The following ADARB2 variants were observed in gnomAD, a reference collection of about 807,000 sequenced individuals.
The protein encoded by ADARB2 is inactive double-stranded RNA-specific editase B2.
In ADARB2, 25 loss-of-function variants were observed where a neutral mutation model predicts 62.2. The observed-to-expected ratio is 0.40, with a 90% CI of 0.29 to 0.56. The LOEUF (loss-of-function observed/expected upper bound fraction) is 0.56, where lower values mean the gene tolerates loss of function less well. Ranked by LOEUF, ADARB2 falls within the 20% of genes least tolerant of loss-of-function variation. The pLI is 0.43. For synonymous variants in ADARB2, 572 were observed against 500.8 expected (o/e 1.14, Z -1.90); for missense variants, 1,071 against 1,077.4 (o/e 0.99, Z 0.08).
At chr10:1,456,298 A>G (rs1158635805) in intron 1 of ADARB2, among the ~76,000 whole-genome samples, 1 of 152,162 alleles carries the variant, frequency 6.6e-6, no homozygotes, top group Non-Finnish European at 1.5e-5. Flanking sequence ...TCCAGGAAGT[A>G]CCTGCCCGTG....
At chr10:1,302,758 G>A (rs1290688495) in intron 3 of ADARB2, among the ~76,000 whole-genome samples, 5 of 152,246 alleles carry the variant, frequency 3.3e-5, no homozygotes, top group African/African-American at 4.8e-5. Flanking sequence ...GCACCCTCCA[G>A]CAGGGGCACA....
rs1192024598 is a variant in ADARB2, at chr10:1,700,300, C to T, written c.100+36751G>A. ...GGGAGACCAGGCGCTAGTCAATACACGCAATCCCACTCTACCAGGAGACCG... is the reference window on the plus strand; with the variant it reads ...GGGAGACCAGGCGCTAGTCAATACATGCAATCCCACTCTACCAGGAGACCG... On this transcript the variant is annotated intron_variant, in intron 1 of 9. Coordinates refer to ENST00000381312, the MANE Select transcript of ADARB2 (RefSeq NM_018702.4). 1.0e-3 allele frequency among the ~76,000 whole-genome samples: 13 copies of T among 12,908 alleles called. 1 individual carries two copies. The highest frequency in any genetic ancestry group is 1.1e-3 in the Admixed American group (1 of 920). The allele number at this position is 12,908 out of a possible 152,430, so 8.5% of individuals were successfully genotyped here. A position where few individuals can be genotyped will look rare whatever the true frequency, so the allele number is the denominator to read the frequency against.
intron 1 of ADARB2, among the ~76,000 whole-genome samples, chr10:1,404,104 C>T (rs1016657703): frequency 6.6e-6 from 1 of 152,256 alleles, no homozygotes; most frequent in African/African-American, 2.4e-5. Flanking sequence ...AAAGATGAAA[C>T]AGCTCCCAGC....
At chr10:1,429,862 C>T (rs563612050) in intron 1 of ADARB2, among the ~76,000 whole-genome samples, 16 of 151,816 alleles carry the variant, frequency 1.1e-4, no homozygotes, top group Non-Finnish European at 1.8e-4. Context: ...CTCCTTTTTC[C>T]TCCCCTGTCT....
chr10:1,459,366 C>T (rs1310367835), intron 1 of ADARB2, among the ~76,000 whole-genome samples: 1 of 152,216 alleles, frequency 6.6e-6, no homozygotes, highest in African/African-American at 2.4e-5. Context: ...GAGATCATGT[C>T]CTTTGCTGGG....
chr10:1,580,599 G>A (rs557195751), intron 1 of ADARB2, among the ~76,000 whole-genome samples: 4 of 151,338 alleles, frequency 2.6e-5, no homozygotes, highest in Admixed American at 2.6e-4. Context: ...CCCCACAAAT[G>A]CACAACCACC....
chr10:1,585,805 T>A (rs557691878), intron 1 of ADARB2, among the ~76,000 whole-genome samples: 5 of 152,086 alleles, frequency 3.3e-5, no homozygotes, highest in South Asian at 4.1e-4. Context: ...GAGGCCAAGG[T>A]GGGCAGATCA....
chr10:1,709,116 T>G (rs918146796), intron 1 of ADARB2, among the ~76,000 whole-genome samples: 1 of 152,198 alleles, frequency 6.6e-6, no homozygotes, highest in Non-Finnish European at 1.5e-5. Flanking sequence ...CCTGCTCTAG[T>G]GCTGAATGAG....
intron 1 of ADARB2, among the ~76,000 whole-genome samples, chr10:1,412,247 T>G (rs996555576): frequency 3.3e-5 from 5 of 152,166 alleles, no homozygotes; most frequent in Non-Finnish European, 5.9e-5. Flanking sequence ...ATGGCTCAGT[T>G]CCCAGGAAAC....
chr10:1,725,036 C>T (rs141232442), intron 1 of ADARB2, among the ~76,000 whole-genome samples: 1,774 of 152,212 alleles, frequency 0.012, 14 homozygotes, highest in Non-Finnish European at 0.018. Context: ...GCCTAAGGGC[C>T]AAACGGACAA....
chr10:1,186,619 T>C (rs572620156), intron 8 of ADARB2: 1 of 512,508 alleles, frequency 2.0e-6, no homozygotes, highest in East Asian at 5.5e-5. Flanking sequence ...CCTGTGGTGC[T>C]TGGAGGCGAG....
chr10:1,379,714 G>A (rs1199030618), intron 1 of ADARB2, among the ~76,000 whole-genome samples: 1 of 152,218 alleles, frequency 6.6e-6, no homozygotes, highest in African/African-American at 2.4e-5. Context: ...AGCATGCACA[G>A]TCCTCCCGGA....
Position 1,412,565 on chromosome 10 carries a change from G to C in ADARB2, c.101-33405C>G, listed in dbSNP as rs375620911. Among the ~76,000 whole-genome samples, 13 of 152,132 alleles carry C rather than the reference G, an allele frequency of 8.5e-5. No homozygotes were observed. In the East Asian group the frequency reaches 2.1e-3, roughly 25 times the overall value. The stretch of plus-strand genomic sequence containing the variant: ...CAGAAAATATTTCCTTTGAGCCAAC[G>C]CATAAAGCACAAAATAATCCTCATA... On this transcript the variant is annotated intron_variant, in intron 1 of 9. Transcript: ENST00000381312.
intron 3 of ADARB2, among the ~76,000 whole-genome samples, chr10:1,336,740 T>TA (rs1831977648): frequency 6.6e-6 from 1 of 152,190 alleles, no homozygotes; most frequent in Admixed American, 6.5e-5. Flanking sequence ...TACGCTTTCT[T>TA]AGTCCACTGA....
chr10:1,286,423 A>AAT (rs1458766343), intron 3 of ADARB2, among the ~76,000 whole-genome samples: 1 of 152,216 alleles, frequency 6.6e-6, no homozygotes, highest in Non-Finnish European at 1.5e-5. Context: ...TTAATTTCAA[A>AAT]ATCAGGGACT....
intron 1 of ADARB2, among the ~76,000 whole-genome samples, chr10:1,530,224 C>T (rs140932719): frequency 3.3e-4 from 51 of 152,324 alleles, no homozygotes; most frequent in Middle Eastern, 3.4e-3. Flanking sequence ...AGTTGCCCGA[C>T]CGAAACGCCC....
At chr10:1,416,964 C>T (rs779613529) in intron 1 of ADARB2, among the ~76,000 whole-genome samples, 3 of 152,172 alleles carry the variant, frequency 2.0e-5, no homozygotes, top group African/African-American at 4.8e-5. Context: ...ATCAGACCCC[C>T]CGGCTTAGGA....
At chr10:1,712,775 AT>A (rs66539603) in intron 1 of ADARB2, among the ~76,000 whole-genome samples, 101,763 of 150,642 alleles carry the variant, frequency 0.68, 34,776 homozygotes, top group East Asian at 0.87. Flanking sequence ...CGCCCAACTA[AT>A]TTTTTTGTAT....
intron 4 of ADARB2, among the ~76,000 whole-genome samples, chr10:1,251,739 G>T (rs1357197300): frequency 6.6e-6 from 1 of 152,110 alleles, no homozygotes; most frequent in Non-Finnish European, 1.5e-5. Flanking sequence ...TTTAGGAGGT[G>T]ATTAGGGGAT....
Sources: gnomAD v4.1 joint callset for allele counts (sites outside exome capture counted in the v4.1 genomes callset) on GRCh38, gnomAD v4.1.1 for gene constraint, MANE v1.5 for transcripts, NCBI Gene and HGNC (gene_info 2026-07-23, HGNC 2026-07-21) for gene names.